EPB41L5: variants seen among roughly 807,000 people sequenced by gnomAD.
EPB41L5 encodes erythrocyte membrane protein band 4.1 like 5, also known as band 4.1-like protein 5.
EPB41L5 carries 55 observed loss-of-function variants against 106.6 expected under a neutral mutation model. The observed-to-expected ratio is 0.52, with a 90% confidence interval of 0.42 to 0.65. EPB41L5 has a LOEUF of 0.65. EPB41L5 is among the 30% of genes least tolerant of loss of function. The pLI is 0.00. For missense variants in EPB41L5, 871 were observed against 882.1 expected, an observed-to-expected ratio of 0.99 and a Z score of 0.16; for synonymous variants, 297 against 306.7, an observed-to-expected ratio of 0.97 and a Z score of 0.33.
chr2:120,104,358 C>T (rs1341143543), intron 16 of EPB41L5: 3 of 1,414,030 alleles, frequency 2.1e-6, no homozygotes, highest in East Asian at 5.3e-5. Context: ...CAGTGAGTCA[C>T]TAGTTGTTCA....
chr2:120,146,106 C>A, intron 19 of EPB41L5, 119 bp from the exon 20 acceptor site: 1 of 641,110 alleles, frequency 1.6e-6, no homozygotes, highest in Non-Finnish European at 2.8e-6. Context: ...GGTATGATTA[C>A]CTCTTATTTT....
At chr2:120,121,508 T>C (rs1020759774) in intron 16 of EPB41L5, among the ~76,000 whole-genome samples, 1 of 152,210 alleles carries the variant, frequency 6.6e-6, no homozygotes, top group Non-Finnish European at 1.5e-5. Flanking sequence ...GCTTCATCCA[T>C]GTCCCTGCAA....
intron 16 of EPB41L5, chr2:120,105,426 T>C (rs1684393278): frequency 1.0e-6 from 1 of 985,008 alleles, no homozygotes; most frequent in Admixed American, 6.1e-5. Flanking sequence ...ACATAGAGGT[T>C]GGTTTTATAT....
chr2:120,087,128 C>T (rs1250893624), intron 10 of EPB41L5, 43 bp from the exon 11 acceptor site: 1 of 1,191,028 alleles, frequency 8.4e-7, no homozygotes, highest in Non-Finnish European at 1.2e-6. Context: ...ATTTAGAGAA[C>T]ATTTGTTTGT....
At chr2:120,068,821 A>G in intron 3 of EPB41L5, among the ~76,000 whole-genome samples, 1 of 96,908 alleles carries the variant, frequency 1.0e-5, no homozygotes, top group African/African-American at 2.8e-5. Context: ...AAGCAATTGG[A>G]ACGTTAAAAA....
rs963549389 is a variant in EPB41L5 at position 120,113,425 on chromosome 2, A to G, written c.1337+12611A>G. On this transcript the variant is annotated intron_variant, in intron 16 of 24. Transcript: ENST00000263713. ...AGGCAAGTGTCCATGAAAAGTAAGGAAATAGGTAGAAGAAAGAATGTCTTT... is the reference window on the plus strand; with the variant it reads ...AGGCAAGTGTCCATGAAAAGTAAGGGAATAGGTAGAAGAAAGAATGTCTTT... Among the ~76,000 whole-genome samples the G allele has an allele frequency of 2.7e-4, 41 of 152,254 alleles. 1 individual carries two copies. The highest frequency in any genetic ancestry group is 8.0e-4 in the African/African-American group (33 of 41,472).
At chr2:120,148,904 T>C (rs1686535160) in intron 20 of EPB41L5, among the ~76,000 whole-genome samples, 1 of 152,144 alleles carries the variant, frequency 6.6e-6, no homozygotes. Context: ...CTCAGTCATA[T>C]GGTAACTCTA....
At chr2:120,132,200 A>G (rs1685727540) in intron 18 of EPB41L5, among the ~76,000 whole-genome samples, 1 of 152,202 alleles carries the variant, frequency 6.6e-6, no homozygotes, top group Admixed American at 6.5e-5. Context: ...GCTTCAATTT[A>G]TAGTTTGGCT....
At chr2:120,115,280 T>C (rs751036763) in intron 16 of EPB41L5, among the ~76,000 whole-genome samples, 2 of 152,244 alleles carry the variant, frequency 1.3e-5, no homozygotes, top group South Asian at 2.1e-4. Flanking sequence ...GAAGGACTTA[T>C]GCTGTTTCAT....
At chr2:120,102,033 T>C (rs975639032) in intron 16 of EPB41L5, among the ~76,000 whole-genome samples, 4 of 152,220 alleles carry the variant, frequency 2.6e-5, no homozygotes, top group Non-Finnish European at 5.9e-5. Flanking sequence ...ACACAGCTCC[T>C]GTAAGCAGTT....
In EPB41L5 at chr2:120,100,780, CAG is replaced by C; in HGVS notation, c.1306_1307del (p.Pro437TrpfsTer6). ...GCCAGTGGAGATAGAGAATCTTCCA[CAG>C]AGTCCTGGAACAGACCAGCATGACA... is the stretch of plus-strand genomic sequence containing the variant. The part of the protein sequence containing the change: ...PVPVEIENLP[Q>X]SPGTDQHDRK... On this transcript the variant is annotated frameshift_variant, in exon 16 of 25. Transcript: ENST00000263713. LOFTEE classifies it high-confidence loss of function. 1 of 1,611,516 alleles carries C rather than the reference CAG, an allele frequency of 6.2e-7. No homozygotes were observed. Among genetic ancestry groups the C allele is most frequent in the Non-Finnish European group, 8.5e-7 (1 of 1,178,478 alleles).
At chr2:120,046,646 A>G (rs1679799994) in intron 3 of EPB41L5, among the ~76,000 whole-genome samples, 2 of 152,046 alleles carry the variant, frequency 1.3e-5, no homozygotes, top group Non-Finnish European at 2.9e-5. Flanking sequence ...TTTGCTGTGC[A>G]GAAGCTCTTT....
chr2:120,026,151 AC>A (rs1176032642), intron 2 of EPB41L5, among the ~76,000 whole-genome samples: 1 of 152,158 alleles, frequency 6.6e-6, no homozygotes. Context: ...ATGAGCTAAA[AC>A]TATAAATCCT....
intron 14 of EPB41L5, among the ~76,000 whole-genome samples, chr2:120,096,738 C>A (rs1194615311): frequency 6.6e-6 from 1 of 152,072 alleles, no homozygotes; most frequent in African/African-American, 2.4e-5. Context: ...TGCACTGAGC[C>A]GAGACTGCGC....
chr2:120,143,770 C>G (rs1380131837), intron 19 of EPB41L5, among the ~76,000 whole-genome samples: 2 of 152,116 alleles, frequency 1.3e-5, no homozygotes, highest in Non-Finnish European at 2.9e-5. Context: ...TGTTCATGTT[C>G]TTTTTCCATT....
intron 2 of EPB41L5, among the ~76,000 whole-genome samples, chr2:120,031,039 G>A (rs1365154518): frequency 1.3e-5 from 2 of 151,868 alleles, no homozygotes; most frequent in Non-Finnish European, 2.9e-5. Context: ...ACCACACCCA[G>A]CTAATTTTTA....
rs933129995 is a variant in EPB41L5 at position 120,106,589 on chromosome 2, T to C, written c.1337+5775T>C. The C allele has an allele frequency of 3.1e-5, 31 of 985,298 alleles. No individual in the cohort carries two copies. The African/African-American group carries it at 3.8e-4, about 12-fold the overall frequency. The allele number at this position is 985,298 out of a possible 1,614,324, so 61.0% of individuals were successfully genotyped here. On this transcript the variant is annotated intron_variant, in intron 16 of 24. Transcript: ENST00000263713. ...CCTTTTGATCAAAGGGTGTCATCAG[T>C]ACAGAACTTAAGTATTATGTCATTT...
intron 18 of EPB41L5, among the ~76,000 whole-genome samples, chr2:120,135,023 A>G (rs1336240214): frequency 6.6e-6 from 1 of 152,216 alleles, no homozygotes; most frequent in African/African-American, 2.4e-5. Flanking sequence ...TAATTCAAAT[A>G]GCTGTTTTGA....
chr2:120,090,088 A>G (rs1431678798), intron 11 of EPB41L5, among the ~76,000 whole-genome samples: 1 of 151,972 alleles, frequency 6.6e-6, no homozygotes, highest in Non-Finnish European at 1.5e-5. Context: ...AATGGCAGAT[A>G]AAATCTCATT....
Sources: gnomAD v4.1 joint callset for allele counts (sites outside exome capture counted in the v4.1 genomes callset) on GRCh38, gnomAD v4.1.1 for gene constraint, MANE v1.5 for transcripts, NCBI Gene and HGNC (gene_info 2026-07-23, HGNC 2026-07-21) for gene names.